Variants in CHADL observed in about 807,000 individuals in gnomAD.
CHADL encodes chondroadherin like.
A neutral mutation model predicts 52.1 loss-of-function variants in CHADL; 48 were observed. That is an observed-to-expected ratio of 0.92 (90% CI 0.73 to 1.17). CHADL has a LOEUF of 1.17. Ranked by LOEUF, CHADL falls within the 50% of genes most tolerant of loss-of-function variation. CHADL has a pLI of 0.00. For synonymous variants in CHADL, 498 were observed against 511.2 expected (o/e 0.97, Z 0.35); for missense variants, 977 against 1,035.1 (o/e 0.94, Z 0.77).
intron 5 of CHADL, among the ~76,000 whole-genome samples, chr22:41,231,497 G>A (rs1377025920): frequency 1.3e-5 from 2 of 152,232 alleles, no homozygotes; most frequent in Non-Finnish European, 2.9e-5. Context: ...GATGGAGCCT[G>A]TGTCCGCCTG....
At chr22:41,230,386 TGGAC>T in intron 5 of CHADL, 1 of 688,550 alleles carries the variant, frequency 1.5e-6, no homozygotes, top group Non-Finnish European at 2.5e-6. Context: ...CTGTGAAGGC[TGGAC>T]GGTGGAGGAC....
At chr22:41,230,117 C>T (rs2032492130) in intron 5 of CHADL, 3 of 1,222,228 alleles carry the variant, frequency 2.5e-6, no homozygotes, top group Non-Finnish European at 1.2e-6. Flanking sequence ...CGCCCACCCA[C>T]CCGCCTCCCC....
intron 5 of CHADL, chr22:41,230,749 A>G (rs1472238250): frequency 6.5e-6 from 1 of 153,968 alleles, no homozygotes; most frequent in East Asian, 1.9e-4. Context: ...TGCCTCAAAA[A>G]TTCACCAAGC....
intron 5 of CHADL, among the ~76,000 whole-genome samples, chr22:41,232,204 C>T (rs768976183): frequency 8.6e-4 from 130 of 152,006 alleles, no homozygotes; most frequent in Middle Eastern, 3.4e-3. Context: ...TGGTGGCAGT[C>T]ACCTGTAATC....
At position 41,235,303 on chromosome 22, in the gene CHADL, C is replaced by T. The variant is rs1440053407; in HGVS notation, c.2104G>A (p.Ala702Thr). ...GLNLRVGATC[A>T]TPPNARGQRV... ...TGGCCACGGGCATTGGGAGGGGTGGCGCAGGTGGCCCCCACCCGCAGGTTC... is the reference window on the plus strand; with the variant it reads ...TGGCCACGGGCATTGGGAGGGGTGGTGCAGGTGGCCCCCACCCGCAGGTTC... The change falls in exon 5 of 6, where the codon GCC becomes ACC. Residue 702 changes from alanine (A) to threonine (T), a missense_variant. Physicochemically the swap from Ala to Thr is moderately conservative, Grantham distance 58. Transcript: ENST00000216241. The T allele has an allele frequency of 1.4e-5, 22 of 1,550,866 alleles. No homozygotes were observed. The highest frequency in any genetic ancestry group is 3.3e-4 in the Middle Eastern group (2 of 5,996).
intron 5 of CHADL, among the ~76,000 whole-genome samples, chr22:41,234,774 C>G (rs1235173317): frequency 6.6e-6 from 1 of 152,110 alleles, no homozygotes; most frequent in Non-Finnish European, 1.5e-5. Flanking sequence ...CAGATGGTCT[C>G]TATCTCCTGA....
Position 41,235,220 on chromosome 22 carries a change from C to A in CHADL, c.2187G>T (p.Lys729Asn). ...FEDCPGWAAR[K>N]AKRTPASRPS... ...GCCTGGAGGCTGGTGTCCGCTTGGC[C>A]TTTCTGGCAGCCCAGCCCGGGCAGT... The change falls in exon 5 of 6, where the codon AAG (lysine) becomes AAT (asparagine). Residue 729 changes from lysine (K) to asparagine (N), a missense_variant. Physicochemically the swap from Lys to Asn is moderately conservative, Grantham distance 94 (BLOSUM62 0). Coordinates refer to ENST00000216241, the MANE Select transcript of CHADL (RefSeq NM_138481.2). 6.4e-7 allele frequency: 1 copy of A among 1,551,554 alleles called. No homozygotes were observed. The highest frequency in any genetic ancestry group is 2.0e-5 in the Admixed American group (1 of 51,006).
chr22:41,231,808 A>G (rs1329910596), intron 5 of CHADL, among the ~76,000 whole-genome samples: 3 of 152,102 alleles, frequency 2.0e-5, no homozygotes, highest in African/African-American at 7.2e-5. Flanking sequence ...GTGAGACCAA[A>G]TCCAGACCCT....
intron 4 of CHADL, 95 bp from the exon 5 acceptor site, chr22:41,235,438 G>T: frequency 1.0e-6 from 1 of 967,184 alleles, no homozygotes; most frequent in South Asian, 1.5e-5. Context: ...GGTTGGTGCA[G>T]AAGGCAGCAC....
At chr22:41,234,849 A>C (rs954784936) in intron 5 of CHADL, among the ~76,000 whole-genome samples, 2 of 152,060 alleles carry the variant, frequency 1.3e-5, no homozygotes, top group Middle Eastern at 3.2e-3. Context: ...CAACGCACCC[A>C]GCCATAGTTT....
At chr22:41,230,084 C>G (rs2032483946) in intron 5 of CHADL, 1 of 804,864 alleles carries the variant, frequency 1.2e-6, no homozygotes, top group Non-Finnish European at 1.9e-6. Flanking sequence ...CCTCCGCCCC[C>G]ACCCCTCCCA....
At chr22:41,231,045 T>G (rs1488472549) in intron 5 of CHADL, 1 of 152,188 alleles carries the variant, frequency 6.6e-6, no homozygotes, top group African/African-American at 2.4e-5. Flanking sequence ...AAGATTCCTT[T>G]GTAGTTAAAG....
chr22:41,231,935 G>T (rs1569157014), intron 5 of CHADL, among the ~76,000 whole-genome samples: 1 of 152,178 alleles, frequency 6.6e-6, no homozygotes, highest in Non-Finnish European at 1.5e-5. Flanking sequence ...CAGGTGCCAG[G>T]TTAAATAGGT....
At chr22:41,237,122 C>G in intron 3 of CHADL, 54 bp downstream of exon 3, 6 of 1,475,162 alleles carry the variant, frequency 4.1e-6, no homozygotes, top group Non-Finnish European at 5.4e-6. Flanking sequence ...ATGCACGCTG[C>G]CTGTGGCCTT....
intron 3 of CHADL, among the ~76,000 whole-genome samples, chr22:41,236,935 C>G (rs77690135): frequency 0.032 from 4,846 of 152,292 alleles, 273 homozygotes; most frequent in African/African-American, 0.11. Flanking sequence ...ACTGCATGGT[C>G]CCAAATTCCT....
In CHADL at chr22:41,238,617, C is replaced by T. The variant is rs935728431; in HGVS notation, c.455G>A (p.Gly152Glu). 10 of 1,544,658 alleles carry T rather than the reference C, an allele frequency of 6.5e-6. No homozygotes were observed. The highest frequency in any genetic ancestry group is 8.7e-6 in the Non-Finnish European group (10 of 1,146,512). ...CAGCGCACCCAGTGCCCCGAACGTCCCCGGCCGCAGCTCCTCCAGTGCGTT... is the reference window on the plus strand; with the variant it reads ...CAGCGCACCCAGTGCCCCGAACGTCTCCGGCCGCAGCTCCTCCAGTGCGTT... Reference protein sequence around the residue: ...EGNALEELRPGTFGALGALAT... With the variant: ...EGNALEELRPETFGALGALAT... Residue 152 changes from glycine to glutamate, a missense_variant, in exon 3 of 6, where the codon GGG (glycine) becomes GAG (glutamate). By Grantham distance (98) the Gly-to-Glu change is moderately conservative. Transcript: ENST00000216241. The surrounding 1 kb of genome is among the most constrained non-coding windows in gnomAD (Gnocchi z 4.9).
intron 5 of CHADL, among the ~76,000 whole-genome samples, chr22:41,232,253 A>AC (rs2032628158): frequency 6.6e-6 from 1 of 151,212 alleles, no homozygotes; most frequent in Non-Finnish European, 1.5e-5. Flanking sequence ...AATCACTTGA[A>AC]CCTGGGGGGC....
Position 41,238,573 on chromosome 22 carries a change from G to T in CHADL, c.499C>A (p.His167Asn). The change falls in exon 3 of 6, where the codon CAC (histidine) becomes AAC (asparagine). Residue 167 changes from histidine (H) to asparagine (N), a missense_variant. Physicochemically the swap from His to Asn is moderately conservative, Grantham distance 68. Transcript: ENST00000216241. The surrounding 1 kb of genome is among the most constrained non-coding windows in gnomAD (Gnocchi z 4.9). ...GCGGGCAGGTAAACCAGGGCGTTGT[G>T]GGCCAGGTTTAGCGTGGCCAGCGCA... ...LGALATLNLA[H>N]NALVYLPAMA... is the part of the protein sequence containing the mutation. 1 of 1,546,374 alleles carries T rather than the reference G, an allele frequency of 6.5e-7. No individual in the cohort carries two copies.
chr22:41,236,909 G>T (rs923265041), intron 3 of CHADL, among the ~76,000 whole-genome samples: 2 of 152,192 alleles, frequency 1.3e-5, no homozygotes, highest in Non-Finnish European at 2.9e-5. Context: ...CTCTCAATAT[G>T]TACAAACAGT....
Sources: gnomAD v4.1 joint callset for allele counts (sites outside exome capture counted in the v4.1 genomes callset) on GRCh38, gnomAD v4.1.1 for gene constraint, Gnocchi (gnomAD v3.1) non-coding constraint, MANE v1.5 for transcripts, NCBI Gene and HGNC (gene_info 2026-07-23, HGNC 2026-07-21) for gene names.